CNTNAP2: variants seen among roughly 807,000 people sequenced by gnomAD.
CNTNAP2 encodes the protein contactin associated protein 2.
A neutral mutation model predicts 155.2 loss-of-function variants in CNTNAP2; 98 were observed. The ratio of observed to expected loss-of-function variants is 0.63; its 90% CI spans 0.54 to 0.75. CNTNAP2 has a LOEUF of 0.75. Among genes scored for constraint, CNTNAP2 ranks in the 30% least tolerant of loss-of-function variants. The pLI is 0.00. For synonymous variants in CNTNAP2, 651 were observed against 631.2 expected (o/e 1.03, Z -0.47); for missense variants, 1,727 against 1,688.1 (o/e 1.02, Z -0.40).
intron 13 of CNTNAP2, among the ~76,000 whole-genome samples, chr7:147,850,165 A>C (rs1198586046): frequency 1.3e-5 from 2 of 152,242 alleles, no homozygotes. Flanking sequence ...AAAAAATAAT[A>C]AATGCTTCAA....
intron 15 of CNTNAP2, among the ~76,000 whole-genome samples, chr7:148,116,749 G>A (rs879793954): frequency 8.5e-5 from 13 of 152,264 alleles, no homozygotes; most frequent in South Asian, 6.2e-4. Flanking sequence ...TTTGAAAATA[G>A]TAGCTCAATT....
intron 12 of CNTNAP2, among the ~76,000 whole-genome samples, chr7:147,596,791 C>T (rs1800834134): frequency 6.6e-6 from 1 of 152,136 alleles, no homozygotes; most frequent in African/African-American, 2.4e-5. Flanking sequence ...AGGAGGTTGG[C>T]ACAAGATACA....
intron 1 of CNTNAP2, among the ~76,000 whole-genome samples, chr7:146,348,734 C>CAGAT (rs10641405): frequency 0.23 from 34,736 of 150,540 alleles, 8,368 homozygotes; most frequent in African/African-American, 0.61. Flanking sequence ...GGAATGTTAA[C>CAGAT]AGATTTCGAT....
chr7:147,636,312 A>G (rs1795179990), intron 12 of CNTNAP2, among the ~76,000 whole-genome samples: 1 of 152,214 alleles, frequency 6.6e-6, no homozygotes, highest in Non-Finnish European at 1.5e-5. Flanking sequence ...AGCCTAGAAG[A>G]TGAAGTCACT....
chr7:147,321,289 C>T (rs1795346461), intron 9 of CNTNAP2, among the ~76,000 whole-genome samples: 1 of 152,090 alleles, frequency 6.6e-6, no homozygotes, highest in Admixed American at 6.6e-5. Flanking sequence ...AGTGCTGTGC[C>T]CCAGTGTCTG....
At chr7:147,837,804 G>A (rs1047038495) in intron 13 of CNTNAP2, among the ~76,000 whole-genome samples, 1 of 152,162 alleles carries the variant, frequency 6.6e-6, no homozygotes, top group Non-Finnish European at 1.5e-5. Flanking sequence ...TTGACTCCAG[G>A]TCTCACATCC....
chr7:147,123,541 TAGAC>T lies in CNTNAP2; in HGVS notation c.939+2382_939+2385del, dbSNP rs1801163540. Reference sequence around the variant, plus strand: ...ACTAAAATACCTGGAACTTATTTATTAGACAGAAACAGTAGGAAGAAATTTAAAT... The same window carrying T: ...ACTAAAATACCTGGAACTTATTTATTAGAAACAGTAGGAAGAAATTTAAAT... On this transcript the variant is annotated intron_variant, in intron 6 of 23. Transcript: ENST00000361727. Among the ~76,000 whole-genome samples, 2 of 152,240 alleles carry T rather than the reference TAGAC, an allele frequency of 1.3e-5. 1 individual carries two copies. Among genetic ancestry groups the T allele is most frequent in the South Asian group, 4.1e-4 (2 of 4,836 alleles).
intron 1 of CNTNAP2, among the ~76,000 whole-genome samples, chr7:146,154,140 T>C (rs1025830854): frequency 2.6e-5 from 4 of 152,176 alleles, no homozygotes; most frequent in Non-Finnish European, 5.9e-5. Flanking sequence ...CTTCCTCAGA[T>C]AGCTTTGCTC....
chr7:147,732,976 G>C (rs12533635), intron 13 of CNTNAP2, among the ~76,000 whole-genome samples: 28,407 of 152,054 alleles, frequency 0.19, 3,048 homozygotes, highest in Middle Eastern at 0.38. Context: ...TTCTCCCATT[G>C]TGTAGGTTGC....
At chr7:146,934,128 A>G (rs911386174) in intron 3 of CNTNAP2, among the ~76,000 whole-genome samples, 9 of 152,076 alleles carry the variant, frequency 5.9e-5, no homozygotes, top group Non-Finnish European at 8.8e-5. Flanking sequence ...GCTGCTATAA[A>G]GACACATGCA....
At chr7:147,782,479 C>T (rs1447932942) in intron 13 of CNTNAP2, among the ~76,000 whole-genome samples, 1 of 152,106 alleles carries the variant, frequency 6.6e-6, no homozygotes, top group Non-Finnish European at 1.5e-5. Context: ...AAGCAAGGTG[C>T]CAGCAGATTG....
At chr7:146,674,969 G>T (rs1012799359) in intron 1 of CNTNAP2, among the ~76,000 whole-genome samples, 1 of 152,160 alleles carries the variant, frequency 6.6e-6, no homozygotes, top group Admixed American at 6.5e-5. Flanking sequence ...TTCATCTTGT[G>T]TTTGCTATTT....
At chr7:146,710,571 G>C (rs1340216412) in intron 1 of CNTNAP2, among the ~76,000 whole-genome samples, 1 of 152,082 alleles carries the variant, frequency 6.6e-6, no homozygotes, top group Non-Finnish European at 1.5e-5. Context: ...TAGCAATGAA[G>C]GGATAGGCAG....
rs115571642 is a variant in CNTNAP2, at chr7:146,491,135, G to T, written c.98-283136G>T. Among the ~76,000 whole-genome samples the T allele has an allele frequency of 1.7e-3, 254 of 152,146 alleles. 1 individual carries two copies. Among genetic ancestry groups the T allele is most frequent in the African/African-American group, 5.8e-3 (243 of 41,544 alleles). On this transcript the variant is annotated intron_variant, in intron 1 of 23. Transcript: ENST00000361727. ...ACAAGCAAACAAAAAACCCAAAGAT[G>T]AGAAATTATAAGGCTGTTATATGAA...
chr7:146,287,344 A>G (rs6972936), intron 1 of CNTNAP2, among the ~76,000 whole-genome samples: 2 of 152,082 alleles, frequency 1.3e-5, no homozygotes, highest in African/African-American at 4.8e-5. Context: ...TTAAATTAGC[A>G]TTGGAAGGCT....
chr7:147,379,213 G>A (rs1796492072), intron 9 of CNTNAP2, among the ~76,000 whole-genome samples: 1 of 152,042 alleles, frequency 6.6e-6, no homozygotes, highest in African/African-American at 2.4e-5. Flanking sequence ...TGTATTAGCA[G>A]TATGAGAACA....
At chr7:146,511,637 CATG>C (rs1238289940) in intron 1 of CNTNAP2, among the ~76,000 whole-genome samples, 1 of 152,080 alleles carries the variant, frequency 6.6e-6, no homozygotes, top group Non-Finnish European at 1.5e-5. Flanking sequence ...CTCATTTGAT[CATG>C]ATGAATGATC....
chr7:146,922,341 A>G (rs1478664268), intron 3 of CNTNAP2, among the ~76,000 whole-genome samples: 1 of 151,818 alleles, frequency 6.6e-6, no homozygotes, highest in African/African-American at 2.4e-5. Context: ...GACATTGTAT[A>G]GATTGTGTCA....
At chr7:147,539,249 A>T (rs1799599507) in intron 11 of CNTNAP2, among the ~76,000 whole-genome samples, 1 of 152,130 alleles carries the variant, frequency 6.6e-6, no homozygotes, top group South Asian at 2.1e-4. Context: ...GCATAATGAG[A>T]CCTGGTACTT....
Sources: allele counts gnomAD v4.1 joint callset (sites outside exome capture counted in the v4.1 genomes callset), GRCh38; gene constraint gnomAD v4.1.1; transcripts MANE v1.5; gene names NCBI Gene and HGNC (gene_info 2026-07-23, HGNC 2026-07-21).